HMX3: variants seen among roughly 807,000 people sequenced by gnomAD.
HMX3 encodes the protein homeobox protein HMX3.
A neutral mutation model predicts 22.8 loss-of-function variants in HMX3; 8 were observed. The observed-to-expected ratio is 0.35, with a 90% CI of 0.21 to 0.63. The LOEUF is 0.63. HMX3 is among the 30% of genes least tolerant of loss of function. HMX3 has a pLI of 0.72. For synonymous variants in HMX3, 331 were observed against 250.9 expected (o/e 1.32, Z -3.02); for missense variants, 527 against 520.6 (o/e 1.01, Z -0.12).
chr10:123,136,202 C>A lies in HMX3; in HGVS notation c.152C>A (p.Pro51His). The A allele has an allele frequency of 7.2e-7, 1 of 1,390,292 alleles. No homozygotes were observed. The highest frequency in any genetic ancestry group is 9.3e-7 in the Non-Finnish European group (1 of 1,072,694). The allele number at this position is 1,390,292 out of a possible 1,614,324, so 86.1% of individuals were successfully genotyped here. The change falls in exon 1 of 2, where the codon CCC becomes CAC. Residue 51 changes from proline (P) to histidine (H), a missense_variant. Transcript: ENST00000357878. The surrounding 1 kb of genome is among the most constrained non-coding windows in gnomAD (Gnocchi z 4.8). The part of the protein sequence containing the change: ...HHRPPPKPQP[P>H]PRTLFAPASA... Reference sequence around the variant, plus strand: ...CGGCCGCCCCCTAAGCCTCAGCCGCCCCCACGGACGCTCTTCGCGCCAGCC... The same window carrying A: ...CGGCCGCCCCCTAAGCCTCAGCCGCACCCACGGACGCTCTTCGCGCCAGCC...
rs1356642493 is a variant in HMX3 at position 123,138,413 on chromosome 10, G to T, written c.*682G>T. ...TCCGCCCGCCTCGGCCTCCCAAAGTGCTGGGATTACAGGCGTGAGCCACTG... is the reference window on the plus strand; with the variant it reads ...TCCGCCCGCCTCGGCCTCCCAAAGTTCTGGGATTACAGGCGTGAGCCACTG... On this transcript the variant is annotated 3_prime_UTR_variant, in exon 2 of 2. Coordinates refer to ENST00000357878, the MANE Select transcript of HMX3 (RefSeq NM_001105574.2). Among the ~76,000 whole-genome samples, 1 of 152,134 alleles carries T rather than the reference G, an allele frequency of 6.6e-6. No homozygotes were observed. The highest frequency in any genetic ancestry group is 1.9e-4 in the East Asian group (1 of 5,190).
rs1302084176 is a variant in HMX3 at position 123,138,854 on chromosome 10, CCT to C, written c.*1124_*1125del. On this transcript the variant is annotated 3_prime_UTR_variant, in exon 2 of 2. Coordinates refer to ENST00000357878, the MANE Select transcript of HMX3 (RefSeq NM_001105574.2). ...TAATATTACTATTATTACTTTGTTCCCTGTTTTGAGAGAGTAATTTCAGTATT... is the reference window on the plus strand; with the variant it reads ...TAATATTACTATTATTACTTTGTTCCGTTTTGAGAGAGTAATTTCAGTATT... Among the ~76,000 whole-genome samples, 1 of 151,882 alleles carries C rather than the reference CCT, an allele frequency of 6.6e-6. No individual in the cohort carries two copies. The highest frequency in any genetic ancestry group is 1.5e-5 in the Non-Finnish European group (1 of 67,984).
rs1170296897 is a variant in HMX3 at position 123,137,595 on chromosome 10, ACTCGGCGGCCGAGGG to A, written c.940_954del (p.Ser314_Gly318del). 1 of 1,590,278 alleles carries A rather than the reference ACTCGGCGGCCGAGGG, an allele frequency of 6.3e-7. No homozygotes were observed. Among genetic ancestry groups the A allele is most frequent in the South Asian group, 1.1e-5 (1 of 90,040 alleles). ...CGGGTGCCCATCCTCTACCACGAGA[ACTCGGCGGCCGAGGG>A]CGCGGCGGCTGCAGCCGCGGGGGCC... On this transcript the variant is annotated inframe_deletion, in exon 2 of 2. Coordinates refer to ENST00000357878, the MANE Select transcript of HMX3 (RefSeq NM_001105574.2). The surrounding 1 kb of genome is among the most constrained non-coding windows in gnomAD (Gnocchi z 5.8).
rs71484512 is a variant in HMX3 at position 123,138,147 on chromosome 10, C to CTTTTTTT, written c.*424_*430dup. Among the ~76,000 whole-genome samples the CTTTTTTT allele has an allele frequency of 7.6e-6, 1 of 132,128 alleles. No homozygotes were observed. The highest frequency in any genetic ancestry group is 2.8e-5 in the African/African-American group (1 of 35,954). 86.7% of individuals were successfully genotyped at this position (132,128 alleles called of 152,430 possible). On this transcript the variant is annotated 3_prime_UTR_variant, in exon 2 of 2. Transcript: ENST00000357878. The stretch of plus-strand genomic sequence containing the variant: ...AATCCCTCTAGTTTATTCTTTTCTG[C>CTTTTTTT]TTTTTTTTTTTTTTCCGAGACGGAA...
Position 123,137,535 on chromosome 10 carries a change from C to A in HMX3, c.878C>A (p.Ala293Asp). 6.2e-7 allele frequency: 1 copy of A among 1,611,444 alleles called. No homozygotes were observed. The highest frequency in any genetic ancestry group is 1.1e-5 in the South Asian group (1 of 91,038). The change falls in exon 2 of 2, where the codon GCC (alanine) becomes GAC (aspartate). Residue 293 changes from alanine (A) to aspartate (D), a missense_variant. Ala to Asp is a moderately radical substitution (Grantham distance 126, BLOSUM62 -2). This residue lies in a region of HMX3 where 100 missense variants were observed against 102.3 expected (regional missense o/e 0.98). Transcript: ENST00000357878. The surrounding 1 kb of genome is among the most constrained non-coding windows in gnomAD (Gnocchi z 5.8). ...CAGCTGGCGGCGGAGCTGGAGGCGG[C>A]CAACCTGAGCCATGCCGCGGCGCAG... ...KRQLAAELEA[A>D]NLSHAAAQRI...
Position 123,137,708 on chromosome 10 carries a change from G to A in HMX3, c.1051G>A (p.Val351Met). 1 of 1,450,866 alleles carries A rather than the reference G, an allele frequency of 6.9e-7. No homozygotes were observed. The highest frequency in any genetic ancestry group is 1.9e-4 in the Middle Eastern group (1 of 5,192). The allele number at this position is 1,450,866 out of a possible 1,614,324, so 89.9% of individuals were successfully genotyped here. ...CTACTCGCACCCGGTGGTCTCTTCC[G>A]TGCCGCTGCTACGGCCGGTCTGAGG... ...VYYSHPVVSSVPLLRPV is the reference protein window; with the variant it reads ...VYYSHPVVSSMPLLRPV Residue 351 changes from valine to methionine, a missense_variant, in exon 2 of 2, where the codon GTG becomes ATG. Val to Met is a conservative substitution (Grantham distance 21, BLOSUM62 1). Transcript: ENST00000357878. This position sits in a 1 kb window ranked among gnomAD's most constrained non-coding sequence, Gnocchi z 5.8.
rs768340875 is a variant in HMX3, at chr10:123,137,085, C to T, written c.428C>T (p.Ser143Phe). The T allele has an allele frequency of 1.2e-6, 2 of 1,609,968 alleles. No homozygotes were observed. Among genetic ancestry groups the T allele is most frequent in the Admixed American group, 3.4e-5 (2 of 59,656 alleles). ...EASEKALLRD[S>F]SPASGTDRDS... ...TCGGAGAAGGCCTTGCTGAGAGACT[C>T]CTCCCCCGCCTCCGGCACAGACCGC... is the stretch of plus-strand genomic sequence containing the variant. The change falls in exon 2 of 2, where the codon TCC becomes TTC. Residue 143 changes from serine to phenylalanine, a missense_variant. Ser to Phe is a radical substitution (Grantham distance 155). Coordinates refer to ENST00000357878, the MANE Select transcript of HMX3 (RefSeq NM_001105574.2). The surrounding 1 kb of genome is among the most constrained non-coding windows in gnomAD (Gnocchi z 5.8).
Position 123,137,769 on chromosome 10 carries a change from TTG to T in HMX3, c.*40_*41del. The T allele has an allele frequency of 7.3e-7, 1 of 1,375,972 alleles. No homozygotes were observed. Among genetic ancestry groups the T allele is most frequent in the Non-Finnish European group, 9.5e-7 (1 of 1,058,012 alleles). 85.2% of individuals were successfully genotyped at this position (1,375,972 alleles called of 1,614,324 possible). A position where few individuals can be genotyped will look rare whatever the true frequency, so the allele number is the denominator to read the frequency against. ...GTGGGGGAGGGAGCGCCCGGCCTCC[TTG>T]TCCGGACCCCGGAGGAGACTGGGCC... On this transcript the variant is annotated 3_prime_UTR_variant, in exon 2 of 2. Transcript: ENST00000357878. The surrounding 1 kb of genome is among the most constrained non-coding windows in gnomAD (Gnocchi z 5.8).
chr10:123,136,321 C>G lies in HMX3; in HGVS notation c.271C>G (p.Leu91Val), dbSNP rs1192278884. The part of the protein sequence containing the change: ...AGFALSQVGD[L>V]AFPRFEIPAQ... ...CTTCGCGCTCTCGCAGGTGGGCGAC[C>G]TGGCTTTCCCTCGCTTTGAGATCCC... is the stretch of plus-strand genomic sequence containing the variant. The change falls in exon 1 of 2, where the codon CTG becomes GTG. Residue 91 changes from leucine to valine, a missense_variant. Physicochemically the swap from Leu to Val is conservative, Grantham distance 32. Around this residue, in one of 3 missense-constraint regions of HMX3, gnomAD observed 386 missense variants for 337.8 expected, o/e 1.14. Transcript: ENST00000357878. This position sits in a 1 kb window ranked among gnomAD's most constrained non-coding sequence, Gnocchi z 4.8. 1 of 1,564,212 alleles carries G rather than the reference C, an allele frequency of 6.4e-7. No homozygotes were observed. Among genetic ancestry groups the G allele is most frequent in the Non-Finnish European group, 8.6e-7 (1 of 1,156,530 alleles).
In HMX3 at chr10:123,136,257, T is replaced by C. The variant is rs1844072504; in HGVS notation, c.207T>C (p.Ala69=). 2 of 1,363,238 alleles carry C rather than the reference T, an allele frequency of 1.5e-6. No individual in the cohort carries two copies. Among genetic ancestry groups the C allele is most frequent in the South Asian group, 2.0e-5 (1 of 49,814 alleles). The allele number at this position is 1,363,238 out of a possible 1,614,324, so 84.4% of individuals were successfully genotyped here. Residue 69 remains alanine (A), a synonymous_variant, in exon 1 of 2, where the codon GCT becomes GCC. Coordinates refer to ENST00000357878, the MANE Select transcript of HMX3 (RefSeq NM_001105574.2). The surrounding 1 kb of genome is among the most constrained non-coding windows in gnomAD (Gnocchi z 4.8). ...CTGCCGCCGCCGCCGCCGCTGCCGCTGCCGCGGCGGCCAAGGGGGCCCTGG... is the reference window on the plus strand; with the variant it reads ...CTGCCGCCGCCGCCGCCGCTGCCGCCGCCGCGGCGGCCAAGGGGGCCCTGG... ...ASAAAAAAAA[A]AAAAKGALEG...
rs192947186 is a variant in HMX3, at chr10:123,139,261, C to T, written c.*1530C>T. On this transcript the variant is annotated 3_prime_UTR_variant, in exon 2 of 2. Coordinates refer to ENST00000357878, the MANE Select transcript of HMX3 (RefSeq NM_001105574.2). Reference sequence around the variant, plus strand: ...GTCACCCAATCTGTTTTCTTTCTGTCGGTACACCTGTTGTTCTGTGATAGT... The same window carrying T: ...GTCACCCAATCTGTTTTCTTTCTGTTGGTACACCTGTTGTTCTGTGATAGT... 1.4e-3 allele frequency among the ~76,000 whole-genome samples: 218 copies of T among 152,120 alleles called. No individual in the cohort carries two copies. The highest frequency in any genetic ancestry group is 5.1e-3 in the African/African-American group (213 of 41,486).
Position 123,136,748 on chromosome 10 carries a change from G to C in HMX3, c.400+298G>C, listed in dbSNP as rs1415003308. 1.3e-5 allele frequency among the ~76,000 whole-genome samples: 2 copies of C among 152,112 alleles called. No homozygotes were observed. The highest frequency in any genetic ancestry group is 1.3e-4 in the Admixed American group (2 of 15,284). ...GGCTTGGGACACGGCCTGGAAGGAG[G>C]GGGTGATTCCAATGCGCCTAAGCCG... On this transcript the variant is annotated intron_variant, in intron 1 of 1. Transcript: ENST00000357878. The surrounding 1 kb of genome is among the most constrained non-coding windows in gnomAD (Gnocchi z 4.8).
rs2133548903 is a variant in HMX3 at position 123,136,300 on chromosome 10, G to A, written c.250G>A (p.Ala84Thr). 1.3e-6 allele frequency: 2 copies of A among 1,536,976 alleles called. No homozygotes were observed. The highest frequency in any genetic ancestry group is 1.4e-5 in the African/African-American group (1 of 70,080). Residue 84 changes from alanine (A) to threonine (T), a missense_variant, in exon 1 of 2, where the codon GCG (alanine) becomes ACG (threonine). Ala to Thr is a moderately conservative substitution (Grantham distance 58). Around this residue, in one of 3 missense-constraint regions of HMX3, gnomAD observed 386 missense variants for 337.8 expected, o/e 1.14. Coordinates refer to ENST00000357878, the MANE Select transcript of HMX3 (RefSeq NM_001105574.2). This position sits in a 1 kb window ranked among gnomAD's most constrained non-coding sequence, Gnocchi z 4.8. ...KGALEGAAGFALSQVGDLAFP... is the reference protein window; with the variant it reads ...KGALEGAAGFTLSQVGDLAFP... ...GGCCCTGGAGGGCGCCGCGGGCTTC[G>A]CGCTCTCGCAGGTGGGCGACCTGGC...
Position 123,137,940 on chromosome 10 carries a change from G to A in HMX3, c.*209G>A, listed in dbSNP as rs899927910. ...AATTCATCCCTAATGGATTGGAGGC[G>A]CTTCCCCTCTTACTTTTGGTTTTTG... is the stretch of plus-strand genomic sequence containing the variant. On this transcript the variant is annotated 3_prime_UTR_variant, in exon 2 of 2. Coordinates refer to ENST00000357878, the MANE Select transcript of HMX3 (RefSeq NM_001105574.2). The surrounding 1 kb of genome is among the most constrained non-coding windows in gnomAD (Gnocchi z 5.8). Among the ~76,000 whole-genome samples, 2 of 152,224 alleles carry A rather than the reference G, an allele frequency of 1.3e-5. No individual in the cohort carries two copies. The highest frequency in any genetic ancestry group is 2.9e-5 in the Non-Finnish European group (2 of 68,038).
Position 123,136,305 on chromosome 10 carries a change from C to T in HMX3, c.255C>T (p.Leu85=). The stretch of plus-strand genomic sequence containing the variant: ...TGGAGGGCGCCGCGGGCTTCGCGCT[C>T]TCGCAGGTGGGCGACCTGGCTTTCC... ...GALEGAAGFA[L]SQVGDLAFPR... The change falls in exon 1 of 2, where the codon CTC becomes CTT. Residue 85 remains leucine (L), a synonymous_variant. Coordinates refer to ENST00000357878, the MANE Select transcript of HMX3 (RefSeq NM_001105574.2). This position sits in a 1 kb window ranked among gnomAD's most constrained non-coding sequence, Gnocchi z 4.8. The T allele has an allele frequency of 6.5e-7, 1 of 1,547,074 alleles. No homozygotes were observed. The highest frequency in any genetic ancestry group is 8.7e-7 in the Non-Finnish European group (1 of 1,147,754).
Position 123,136,207 on chromosome 10 carries a change from C to A in HMX3, c.157C>A (p.Arg53=). 2.2e-6 allele frequency: 3 copies of A among 1,380,050 alleles called. No homozygotes were observed. The highest frequency in any genetic ancestry group is 2.3e-4 in the Middle Eastern group (1 of 4,422). 85.5% of individuals were successfully genotyped at this position (1,380,050 alleles called of 1,614,324 possible). The change falls in exon 1 of 2, where the codon CGG becomes AGG. Residue 53 remains arginine, a synonymous_variant. Coordinates refer to ENST00000357878, the MANE Select transcript of HMX3 (RefSeq NM_001105574.2). This position sits in a 1 kb window ranked among gnomAD's most constrained non-coding sequence, Gnocchi z 4.8. Reference sequence around the variant, plus strand: ...GCCCCCTAAGCCTCAGCCGCCCCCACGGACGCTCTTCGCGCCAGCCTCGGC... The same window carrying A: ...GCCCCCTAAGCCTCAGCCGCCCCCAAGGACGCTCTTCGCGCCAGCCTCGGC... ...RPPPKPQPPP[R]TLFAPASAAA...
chr10:123,137,151 A>G lies in HMX3; in HGVS notation c.494A>G (p.Lys165Arg), dbSNP rs760306568. 18 of 1,607,516 alleles carry G rather than the reference A, an allele frequency of 1.1e-5. No individual in the cohort carries two copies. In the South Asian group the frequency reaches 1.7e-4, roughly 15 times the overall value. ...EPLLKADPDH[K>R]ELDSKSPDEI... ...CTGCTCAAGGCCGACCCCGATCACA[A>G]GGAGCTGGACTCCAAGAGCCCGGAC... is the stretch of plus-strand genomic sequence containing the variant. Residue 165 changes from lysine (K) to arginine (R), a missense_variant, in exon 2 of 2, where the codon AAG (lysine) becomes AGG (arginine). Transcript: ENST00000357878. The surrounding 1 kb of genome is among the most constrained non-coding windows in gnomAD (Gnocchi z 5.8).
In HMX3 at chr10:123,137,027, T is replaced by C. The variant is rs1267300235; in HGVS notation, c.401-31T>C. 1.3e-6 allele frequency: 2 copies of C among 1,573,160 alleles called. No homozygotes were observed. The highest frequency in any genetic ancestry group is 1.7e-6 in the Non-Finnish European group (2 of 1,161,558). ...TCGCTCAAGGCTGTGTCGGTGTGCA[T>C]GTGTGTGCGTCCGTCTGTCTGTCTC... is the stretch of plus-strand genomic sequence containing the variant. On this transcript the variant is annotated intron_variant, in intron 1 of 1. Transcript: ENST00000357878. This position sits in a 1 kb window ranked among gnomAD's most constrained non-coding sequence, Gnocchi z 5.8.
Position 123,139,063 on chromosome 10 carries a change from G to T in HMX3, c.*1332G>T, listed in dbSNP as rs1844111277. ...CATTTAGAAAGAAAAAAGTAGGCAG[G>T]GGAAAGGGGGGAAGAAAGAAACAAG... is the stretch of plus-strand genomic sequence containing the variant. On this transcript the variant is annotated 3_prime_UTR_variant, in exon 2 of 2. Transcript: ENST00000357878. 6.6e-6 allele frequency among the ~76,000 whole-genome samples: 1 copy of T among 152,154 alleles called. No homozygotes were observed. The highest frequency in any genetic ancestry group is 1.5e-5 in the Non-Finnish European group (1 of 68,036).
Sources: gnomAD v4.1 joint callset for allele counts (sites outside exome capture counted in the v4.1 genomes callset) on GRCh38, gnomAD v4.1.1 for gene constraint, gnomAD v4.1.1 regional missense constraint, Gnocchi (gnomAD v3.1) non-coding constraint, MANE v1.5 for transcripts, NCBI Gene and HGNC (gene_info 2026-07-23, HGNC 2026-07-21) for gene names.